Variants in PTPRD observed in about 807,000 individuals in gnomAD.
PTPRD encodes the protein receptor-type tyrosine-protein phosphatase delta.
PTPRD carries 34 observed loss-of-function variants against 214.5 expected under a neutral mutation model. The observed-to-expected ratio is 0.16, with a 90% CI of 0.12 to 0.21. The LOEUF (loss-of-function observed/expected upper bound fraction) is 0.21, where lower values mean the gene tolerates loss of function less well. PTPRD is among the 10% of genes least tolerant of loss of function. The pLI, the probability that PTPRD is intolerant of heterozygous loss-of-function variation, is 1.00. For synonymous variants in PTPRD, 1,128 were observed against 845.7 expected (o/e 1.33, Z -5.79); for missense variants, 2,545 against 2,398.7 (o/e 1.06, Z -1.27).
At position 8,465,523 on chromosome 9, in the gene PTPRD, G is replaced by A; in HGVS notation, c.3657C>T (p.Leu1219=). The change falls in exon 32 of 46, where the codon CTC becomes CTT. Residue 1219 remains leucine (L), a synonymous_variant. Transcript: ENST00000381196. ...AGAAGACATATTCTTGACCACTTTG[G>A]AGTTGCTTGTTTGTAAATCCACCAT... ...KHYGGFTNKQ[L]QSGQEYVFFV... is the part of the protein sequence containing the mutation. 1 of 1,612,578 alleles carries A rather than the reference G, an allele frequency of 6.2e-7. No individual in the cohort carries two copies. The highest frequency in any genetic ancestry group is 1.3e-5 in the African/African-American group (1 of 74,874).
intron 30 of PTPRD, among the ~76,000 whole-genome samples, chr9:8,480,278 C>T (rs1274188797): frequency 6.6e-6 from 1 of 152,188 alleles, no homozygotes; most frequent in Non-Finnish European, 1.5e-5. Flanking sequence ...TGTCTCTCCA[C>T]TCCCACTCCC....
intron 11 of PTPRD, among the ~76,000 whole-genome samples, chr9:8,993,191 C>T (rs2099384332): frequency 6.6e-6 from 1 of 152,090 alleles, no homozygotes; most frequent in Non-Finnish European, 1.5e-5. Context: ...ATTCCCTTGG[C>T]CCAGAGAACC....
At chr9:8,674,237 A>G (rs2097351807) in intron 12 of PTPRD, among the ~76,000 whole-genome samples, 1 of 152,108 alleles carries the variant, frequency 6.6e-6, no homozygotes, top group African/African-American at 2.4e-5. Flanking sequence ...AGGCAGGCAG[A>G]TCACAAAGTC....
intron 33 of PTPRD, among the ~76,000 whole-genome samples, chr9:8,453,475 G>C (rs2096052458): frequency 2.6e-5 from 4 of 152,192 alleles, no homozygotes. Flanking sequence ...ATGAAAGGTA[G>C]TATTTTAAGT....
At chr9:8,845,885 T>C (rs2097685674) in intron 11 of PTPRD, among the ~76,000 whole-genome samples, 1 of 152,192 alleles carries the variant, frequency 6.6e-6, no homozygotes, top group Non-Finnish European at 1.5e-5. Context: ...GTCATTTGAA[T>C]AACAACAGAT....
At chr9:10,268,740 A>G (rs1195409713) in intron 3 of PTPRD, among the ~76,000 whole-genome samples, 1 of 152,128 alleles carries the variant, frequency 6.6e-6, no homozygotes, top group African/African-American at 2.4e-5. Context: ...ATTTAACCAC[A>G]ATGTTGAACA....
intron 37 of PTPRD, among the ~76,000 whole-genome samples, chr9:8,379,901 T>C (rs527965890): frequency 1.2e-4 from 18 of 152,264 alleles, no homozygotes; most frequent in Admixed American, 6.5e-4. Context: ...TGTTTCTCTG[T>C]TTCCAGGACC....
chr9:9,037,100 G>C (rs2099624375), intron 10 of PTPRD, among the ~76,000 whole-genome samples: 3 of 152,138 alleles, frequency 2.0e-5, no homozygotes, highest in African/African-American at 7.2e-5. Context: ...ATAACAGGAA[G>C]TAACTCACTC....
At chr9:9,529,492 A>G (rs940744799) in intron 8 of PTPRD, among the ~76,000 whole-genome samples, 3 of 152,188 alleles carry the variant, frequency 2.0e-5, no homozygotes, top group Non-Finnish European at 4.4e-5. Flanking sequence ...TCACTAATGA[A>G]GTTATATGAA....
intron 7 of PTPRD, among the ~76,000 whole-genome samples, chr9:9,666,051 G>T (rs960841671): frequency 4.0e-5 from 6 of 151,872 alleles, no homozygotes; most frequent in South Asian, 4.1e-4. Context: ...ATAAGTTGAT[G>T]TAAGTTTTCT....
At chr9:9,245,103 G>C (rs2131247310) in intron 9 of PTPRD, among the ~76,000 whole-genome samples, 1 of 152,282 alleles carries the variant, frequency 6.6e-6, no homozygotes, top group East Asian at 1.9e-4. Context: ...TCTCATACCA[G>C]TTAGAATGGC....
chr9:9,545,525 A>C (rs2078587032), intron 8 of PTPRD, among the ~76,000 whole-genome samples: 1 of 152,032 alleles, frequency 6.6e-6, no homozygotes, highest in Admixed American at 6.6e-5. Flanking sequence ...AGAACATCTT[A>C]ATTTCTTTCA....
At chr9:10,546,429 T>C (rs1394634867) in intron 2 of PTPRD, among the ~76,000 whole-genome samples, 1 of 152,068 alleles carries the variant, frequency 6.6e-6, no homozygotes, top group Non-Finnish European at 1.5e-5. Context: ...CAGCAAACTT[T>C]AGTTTATTGC....
intron 9 of PTPRD, among the ~76,000 whole-genome samples, chr9:9,383,228 T>C (rs1215398580): frequency 2.0e-5 from 3 of 152,080 alleles, no homozygotes; most frequent in Admixed American, 6.6e-5. Flanking sequence ...CTAGACTATA[T>C]ACTCCCTAAA....
intron 8 of PTPRD, among the ~76,000 whole-genome samples, chr9:9,401,145 T>C (rs1355879498): frequency 6.6e-6 from 1 of 152,044 alleles, no homozygotes; most frequent in Non-Finnish European, 1.5e-5. Context: ...GAAATAATTA[T>C]AAAAATAAAT....
intron 11 of PTPRD, among the ~76,000 whole-genome samples, chr9:8,756,719 T>C (rs2094013835): frequency 6.6e-6 from 1 of 152,120 alleles, no homozygotes; most frequent in Non-Finnish European, 1.5e-5. Flanking sequence ...AATAATAACC[T>C]ATTTTCAGAA....
intron 2 of PTPRD, among the ~76,000 whole-genome samples, chr9:10,552,292 G>C (rs1353913177): frequency 1.3e-5 from 2 of 152,074 alleles, no homozygotes; most frequent in African/African-American, 4.8e-5. Context: ...CATCATTCCA[G>C]TCCAAAAGTT....
At chr9:9,672,951 T>A (rs1321251678) in intron 7 of PTPRD, among the ~76,000 whole-genome samples, 1 of 152,038 alleles carries the variant, frequency 6.6e-6, no homozygotes, top group African/African-American at 2.4e-5. Context: ...CGTAAATCTG[T>A]TATAAAATCC....
intron 10 of PTPRD, among the ~76,000 whole-genome samples, chr9:9,046,263 ATAAT>A (rs1433666708): frequency 6.6e-6 from 1 of 152,196 alleles, no homozygotes; most frequent in Non-Finnish European, 1.5e-5. Context: ...CAAATTACAG[ATAAT>A]TACTTAACTA....
Sources: gnomAD v4.1 joint callset for allele counts (sites outside exome capture counted in the v4.1 genomes callset) on GRCh38, gnomAD v4.1.1 for gene constraint, MANE v1.5 for transcripts, NCBI Gene and HGNC (gene_info 2026-07-23, HGNC 2026-07-21) for gene names.